PKHD1: variants seen among roughly 807,000 people sequenced by gnomAD.
The protein encoded by PKHD1 is PKHD1 ciliary IPT domain containing fibrocystin/polyductin, also known as fibrocystin.
PKHD1 carries 291 observed loss-of-function variants against 412.0 expected under a neutral mutation model. That is an observed-to-expected ratio of 0.71 (90% CI 0.64 to 0.78). The LOEUF is 0.78. Ranked by LOEUF, PKHD1 falls within the 30% of genes least tolerant of loss-of-function variation. The pLI is 0.00. For synonymous variants in PKHD1, 1,777 were observed against 1,821.5 expected (o/e 0.98, Z 0.62); for missense variants, 4,825 against 4,950.7 (o/e 0.97, Z 0.76).
intron 33 of PKHD1, 134 bp from the exon 34 acceptor site, chr6:52,017,763 T>C: frequency 1.4e-6 from 1 of 713,960 alleles, no homozygotes; most frequent in Non-Finnish European, 2.5e-6. Flanking sequence ...TTTTTTAAAA[T>C]GTATTGTATA....
chr6:52,024,766 T>G lies in PKHD1; in HGVS notation c.5044A>C (p.Asn1682His). The stretch of plus-strand genomic sequence containing the variant: ...GACATTCCTATAAAAATGTCAATGT[T>G]TGCAGCTCCTGAGATCTGGGCCACT... ...FAVAQISGAA[N>H]IDIFIGMSPC... The change falls in exon 32 of 67, where the codon AAC (asparagine) becomes CAC (histidine). Residue 1682 changes from asparagine to histidine, a missense_variant. By Grantham distance (68) the Asn-to-His change is moderately conservative. Coordinates refer to ENST00000371117, the MANE Select transcript of PKHD1 (RefSeq NM_138694.4). 6.2e-7 allele frequency: 1 copy of G among 1,614,202 alleles called. No individual in the cohort carries two copies. The highest frequency in any genetic ancestry group is 8.5e-7 in the Non-Finnish European group (1 of 1,180,036).
chr6:51,912,077 C>T, intron 38 of PKHD1, 121 bp from the exon 39 acceptor site: 1 of 821,316 alleles, frequency 1.2e-6, no homozygotes, highest in South Asian at 1.5e-5. Context: ...TTTAGAAACT[C>T]AATACCAAAT....
At chr6:51,738,725 A>G (rs891756523) in intron 60 of PKHD1, among the ~76,000 whole-genome samples, 4 of 152,144 alleles carry the variant, frequency 2.6e-5, no homozygotes, top group African/African-American at 7.2e-5. Context: ...TCTTCTCTCA[A>G]AAACTGCACA....
rs369088376 is a variant in PKHD1 at position 51,901,526 on chromosome 6, G to C, written c.6996+2071C>G. On this transcript the variant is annotated intron_variant, in intron 43 of 66. Transcript: ENST00000371117. Reference sequence around the variant, plus strand: ...CACACTCTGGGGACTGTTGTGGGGTGGGGGGAGTGGGGAGGAATAGCACTG... The same window carrying C: ...CACACTCTGGGGACTGTTGTGGGGTCGGGGGAGTGGGGAGGAATAGCACTG... 5.3e-4 allele frequency among the ~76,000 whole-genome samples: 80 copies of C among 152,156 alleles called. No individual in the cohort carries two copies. In the East Asian group the frequency reaches 0.013, roughly 25 times the overall value.
intron 36 of PKHD1, among the ~76,000 whole-genome samples, chr6:51,959,318 T>A (rs1465070500): frequency 6.6e-6 from 1 of 152,164 alleles, no homozygotes; most frequent in African/African-American, 2.4e-5. Flanking sequence ...GTGAAATAAC[T>A]GACTTAGCCA....
intron 36 of PKHD1, among the ~76,000 whole-genome samples, chr6:51,941,150 C>T (rs747846569): frequency 1.3e-5 from 2 of 150,770 alleles, no homozygotes; most frequent in Non-Finnish European, 1.5e-5. Flanking sequence ...CCTAATCACC[C>T]TTACCCCACT....
chr6:51,713,634 G>A (rs1039750764), intron 60 of PKHD1, among the ~76,000 whole-genome samples: 4 of 152,128 alleles, frequency 2.6e-5, no homozygotes, highest in Non-Finnish European at 5.9e-5. Flanking sequence ...TTGGAGTCAG[G>A]CCCTTCTGCA....
chr6:51,734,426 T>G (rs575127400), intron 60 of PKHD1, among the ~76,000 whole-genome samples: 1 of 152,322 alleles, frequency 6.6e-6, no homozygotes, highest in East Asian at 1.9e-4. Context: ...CTTGACTTTC[T>G]TATTCACATT....
In PKHD1 at chr6:52,071,022, CA is replaced by C; in HGVS notation, c.650del (p.Val217GlyfsTer29). On this transcript the variant is annotated frameshift_variant, in exon 9 of 67. Transcript: ENST00000371117. LOFTEE classifies it high-confidence loss of function. ...CTAACAGACCGATGTAGTCGCCTTC[CA>C]CATGGCACTGCAGAGTCCCAAGACC... The part of the protein sequence containing the change: ...DHGLGTLQCH[V>X]EGDYIGSQNV... 2 of 1,601,880 alleles carry C rather than the reference CA, an allele frequency of 1.2e-6. No homozygotes were observed. Among genetic ancestry groups the C allele is most frequent in the East Asian group, 4.5e-5 (2 of 44,768 alleles).
chr6:51,973,570 C>CT (rs1693888153), intron 35 of PKHD1, among the ~76,000 whole-genome samples: 1 of 152,164 alleles, frequency 6.6e-6, no homozygotes, highest in East Asian at 1.9e-4. Flanking sequence ...CCCAAAGACC[C>CT]TCATGAAACA....
In PKHD1 at chr6:51,617,290, AC is replaced by A; in HGVS notation, c.*1790del. On this transcript the variant is annotated 3_prime_UTR_variant, in exon 67 of 67. Transcript: ENST00000371117. The stretch of plus-strand genomic sequence containing the variant: ...GATTGCAAAGGCAAATGACTTCAAG[AC>A]CGAGAATCTACAAAAAAAGATAAAT... The A allele has an allele frequency of 6.6e-6, 1 of 152,202 alleles. No individual in the cohort carries two copies. The highest frequency in any genetic ancestry group is 1.5e-5 in the Non-Finnish European group (1 of 68,000). The allele number at this position is 152,202 out of a possible 1,614,324, so 9.4% of individuals were successfully genotyped here. A position where few individuals can be genotyped will look rare whatever the true frequency, so the allele number is the denominator to read the frequency against.
rs546139846 is a variant in PKHD1 at position 51,661,174 on chromosome 6, C to T, written c.10157-1205G>A. ...CAACCAGAGTCAAAGATCAAATATT[C>T]GAACAAAAGAGTCTCCTAGCACTAC... On this transcript the variant is annotated intron_variant, in intron 60 of 66. Transcript: ENST00000371117. Among the ~76,000 whole-genome samples, 893 of 152,110 alleles carry T rather than the reference C, an allele frequency of 5.9e-3. 2 individuals carry two copies. Among genetic ancestry groups the T allele is most frequent in the Non-Finnish European group, 8.9e-3 (608 of 67,980 alleles).
At chr6:51,810,667 C>A (rs938683112) in intron 52 of PKHD1, among the ~76,000 whole-genome samples, 1 of 152,160 alleles carries the variant, frequency 6.6e-6, no homozygotes, top group Non-Finnish European at 1.5e-5. Context: ...TTCCCCATGG[C>A]CCTGATGTGC....
intron 35 of PKHD1, among the ~76,000 whole-genome samples, chr6:51,996,331 A>G (rs1472715125): frequency 6.6e-6 from 1 of 152,076 alleles, no homozygotes; most frequent in Non-Finnish European, 1.5e-5. Context: ...TAATGTTTGT[A>G]TAGTATTTGG....
chr6:51,828,192 T>C (rs1219772102), intron 52 of PKHD1, among the ~76,000 whole-genome samples: 2 of 152,104 alleles, frequency 1.3e-5, no homozygotes, highest in South Asian at 2.1e-4. Flanking sequence ...GTAAGTTTTT[T>C]TGAAAAAAGA....
At chr6:52,046,325 T>A in intron 23 of PKHD1, 137 bp from the exon 24 acceptor site, 7 of 773,750 alleles carry the variant, frequency 9.0e-6, no homozygotes, top group Non-Finnish European at 1.6e-5. Flanking sequence ...AAGTAGAACT[T>A]CAGTAGAATC....
intron 35 of PKHD1, among the ~76,000 whole-genome samples, chr6:51,968,930 A>T (rs974380411): frequency 6.6e-6 from 1 of 152,198 alleles, no homozygotes; most frequent in Non-Finnish European, 1.5e-5. Context: ...CACCCTGTGT[A>T]GTCCTCTCCC....
intron 60 of PKHD1, among the ~76,000 whole-genome samples, chr6:51,733,450 T>C (rs926135223): frequency 2.7e-5 from 4 of 149,486 alleles, no homozygotes; most frequent in African/African-American, 9.9e-5. Context: ...GGCAGGAGAA[T>C]GGTGTGAACC....
intron 32 of PKHD1, 90 bp downstream of exon 32, chr6:52,024,484 G>A: frequency 8.1e-7 from 1 of 1,230,530 alleles, no homozygotes; most frequent in Non-Finnish European, 1.2e-6. Context: ...CCATCAGGCA[G>A]ATTGTGTTAA....
Sources: allele counts gnomAD v4.1 joint callset (sites outside exome capture counted in the v4.1 genomes callset), GRCh38; gene constraint gnomAD v4.1.1; transcripts MANE v1.5; gene names NCBI Gene and HGNC (gene_info 2026-07-23, HGNC 2026-07-21).